The following FBXW11 variants were observed in gnomAD, a reference collection of about 807,000 sequenced individuals.
The protein encoded by FBXW11 is F-box and WD repeat domain containing 11, also known as F-box/WD repeat-containing protein 11.
Under a neutral mutation model 77.6 loss-of-function variants are expected in FBXW11, and 19 were observed. The observed-to-expected ratio is 0.24, with a 90% CI of 0.17 to 0.36. The LOEUF is 0.36. Ranked by LOEUF, FBXW11 falls within the 10% of genes least tolerant of loss-of-function variation. The probability of loss-of-function intolerance (pLI) is 1.00; values close to 1 mark genes in which losing one functional copy is unlikely to be tolerated. For missense variants in FBXW11, 334 were observed against 704.2 expected, an observed-to-expected ratio of 0.47 and a Z score of 5.95; for synonymous variants, 235 against 249.4, an observed-to-expected ratio of 0.94 and a Z score of 0.54.
chr5:171,967,883 TACACACACAC>T (rs59469025), intron 1 of FBXW11, among the ~76,000 whole-genome samples: 83 of 74,870 alleles, frequency 1.1e-3, no homozygotes, highest in African/African-American at 3.6e-3. Context: ...TATATATATA[TACACACACAC>T]ACACACACAC....
At chr5:171,979,795 G>A (rs1765047244) in intron 1 of FBXW11, among the ~76,000 whole-genome samples, 1 of 152,132 alleles carries the variant, frequency 6.6e-6, no homozygotes, top group Non-Finnish European at 1.5e-5. Context: ...TGCAGAAAGG[G>A]TACACTCGCC....
chr5:171,916,216 T>C (rs1001313926), intron 2 of FBXW11, among the ~76,000 whole-genome samples: 1 of 142,194 alleles, frequency 7.0e-6, no homozygotes, highest in South Asian at 2.2e-4. Flanking sequence ...TGTGCACATG[T>C]ACCCTAGAAC....
At chr5:171,970,238 T>C (rs1423165138) in intron 1 of FBXW11, among the ~76,000 whole-genome samples, 1 of 152,194 alleles carries the variant, frequency 6.6e-6, no homozygotes, top group Non-Finnish European at 1.5e-5. Flanking sequence ...GGTGACTGGA[T>C]CATGGAGGCA....
At chr5:171,897,799 T>C (rs1277294548) in intron 6 of FBXW11, among the ~76,000 whole-genome samples, 1 of 151,360 alleles carries the variant, frequency 6.6e-6, no homozygotes, top group Non-Finnish European at 1.5e-5. Context: ...TTATAAGATG[T>C]GTACATAAGA....
intron 2 of FBXW11, among the ~76,000 whole-genome samples, chr5:171,940,490 G>A (rs1264331626): frequency 6.6e-6 from 1 of 152,170 alleles, no homozygotes; most frequent in Non-Finnish European, 1.5e-5. Context: ...GCTCTTCGGA[G>A]AAATGGCTGG....
intron 1 of FBXW11, among the ~76,000 whole-genome samples, chr5:171,967,909 CACACACACACAT>C (rs1314383661): frequency 6.7e-6 from 1 of 148,716 alleles, no homozygotes; most frequent in African/African-American, 2.6e-5. Context: ...CACACACACA[CACACACACACAT>C]ATAAATCTGG....
At chr5:171,984,312 A>G (rs1765314844) in intron 1 of FBXW11, among the ~76,000 whole-genome samples, 1 of 152,228 alleles carries the variant, frequency 6.6e-6, no homozygotes, top group African/African-American at 2.4e-5. Context: ...TCTTTAATGT[A>G]AGTTATACAC....
At chr5:171,914,456 T>C in intron 2 of FBXW11, 51 bp from the exon 3 acceptor site, 4 of 1,444,960 alleles carry the variant, frequency 2.8e-6, no homozygotes, top group Non-Finnish European at 3.7e-6. Flanking sequence ...TTGCAAATCC[T>C]AAATAACTAC....
rs565073383 is a variant in FBXW11 at position 171,958,527 on chromosome 5, T to C, written c.46-829A>G. Among the ~76,000 whole-genome samples the C allele has an allele frequency of 1.2e-4, 19 of 152,336 alleles. No individual in the cohort carries two copies. The East Asian group carries it at 1.4e-3, about 11-fold the overall frequency. ...CATTGGAACGTCATGATTTTCATTT[T>C]AGACTTTGTTTACAAAGTCCGTCTG... On this transcript the variant is annotated intron_variant, in intron 1 of 13. Transcript: ENST00000517395.
At chr5:171,961,171 G>A (rs1206113844) in intron 1 of FBXW11, among the ~76,000 whole-genome samples, 1 of 152,156 alleles carries the variant, frequency 6.6e-6, no homozygotes, top group Non-Finnish European at 1.5e-5. Flanking sequence ...TGGTGCTAAG[G>A]TCTGAGGCAA....
At chr5:171,880,535 C>G (rs1240071373) in intron 7 of FBXW11, among the ~76,000 whole-genome samples, 1 of 152,224 alleles carries the variant, frequency 6.6e-6, no homozygotes, top group African/African-American at 2.4e-5. Flanking sequence ...TGACTGACAT[C>G]CTCACAATAG....
chr5:171,867,120 T>G (rs1008878716), intron 13 of FBXW11, among the ~76,000 whole-genome samples: 1 of 152,168 alleles, frequency 6.6e-6, no homozygotes, highest in African/African-American at 2.4e-5. Flanking sequence ...AAACACTTAT[T>G]TGCCATTCCT....
chr5:171,947,541 TAA>T (rs760595074), intron 2 of FBXW11, among the ~76,000 whole-genome samples: 1 of 141,096 alleles, frequency 7.1e-6, no homozygotes, highest in Non-Finnish European at 1.6e-5. Flanking sequence ...TCTCAATTAT[TAA>T]AAAAAAAAAA....
At chr5:171,895,393 AT>A (rs1561658948) in intron 6 of FBXW11, among the ~76,000 whole-genome samples, 3 of 152,074 alleles carry the variant, frequency 2.0e-5, no homozygotes, top group Admixed American at 6.6e-5. Flanking sequence ...AAGTTTTGAC[AT>A]TTTCTGGTCA....
At chr5:171,879,938 A>T (rs1758390758) in intron 7 of FBXW11, among the ~76,000 whole-genome samples, 1 of 152,196 alleles carries the variant, frequency 6.6e-6, no homozygotes, top group Non-Finnish European at 1.5e-5. Flanking sequence ...TAATTTTAAC[A>T]AAGTCCAGCT....
Position 171,869,623 on chromosome 5 carries a change from T to A in FBXW11, c.1530+106A>T. 1.4e-6 allele frequency: 1 copy of A among 721,650 alleles called. No individual in the cohort carries two copies. The highest frequency in any genetic ancestry group is 2.1e-6 in the Non-Finnish European group (1 of 465,454). 44.7% of individuals were successfully genotyped at this position (721,650 alleles called of 1,614,324 possible). A position where few individuals can be genotyped will look rare whatever the true frequency, so the allele number is the denominator to read the frequency against. Reference sequence around the variant, plus strand: ...TGAAGACTGAAATTCTCTGAAGGCATCTTGTGAGACACACAAGCGTTCCTG... The same window carrying A: ...TGAAGACTGAAATTCTCTGAAGGCAACTTGTGAGACACACAAGCGTTCCTG... On this transcript the variant is annotated intron_variant, in intron 12 of 13. Coordinates refer to ENST00000517395, the MANE Select transcript of FBXW11 (RefSeq NM_001378974.1). This position sits in a 1 kb window ranked among gnomAD's most constrained non-coding sequence, Gnocchi z 4.1.
At chr5:171,911,410 C>T (rs531536878) in intron 3 of FBXW11, among the ~76,000 whole-genome samples, 13 of 152,210 alleles carry the variant, frequency 8.5e-5, no homozygotes, top group Admixed American at 1.3e-4. Flanking sequence ...TGATGCCACC[C>T]GTCCAGAGAC....
intron 1 of FBXW11, among the ~76,000 whole-genome samples, chr5:172,005,281 G>A (rs559593052): frequency 6.6e-6 from 1 of 152,296 alleles, no homozygotes; most frequent in East Asian, 1.9e-4. Flanking sequence ...TGGGGAAGAA[G>A]TTGTTACCGT....
intron 1 of FBXW11, among the ~76,000 whole-genome samples, chr5:171,977,925 A>G (rs558303501): frequency 1.3e-5 from 2 of 152,262 alleles, no homozygotes; most frequent in South Asian, 2.1e-4. Flanking sequence ...TGTAAACTAC[A>G]GTTACATTAA....
Sources: allele counts gnomAD v4.1 joint callset (sites outside exome capture counted in the v4.1 genomes callset), GRCh38; gene constraint gnomAD v4.1.1; non-coding constraint Gnocchi (gnomAD v3.1); transcripts MANE v1.5; gene names NCBI Gene and HGNC (gene_info 2026-07-23, HGNC 2026-07-21).